KCNQ3: variants seen among roughly 807,000 people sequenced by gnomAD.
The protein encoded by KCNQ3 is potassium voltage-gated channel subfamily Q member 3, also known as potassium voltage-gated channel subfamily KQT member 3.
Under a neutral mutation model 92.5 loss-of-function variants are expected in KCNQ3, and 30 were observed. The observed-to-expected ratio is 0.32, with a 90% CI of 0.24 to 0.44. The LOEUF (loss-of-function observed/expected upper bound fraction) is 0.44, where lower values mean the gene tolerates loss of function less well. KCNQ3 is among the 20% of genes least tolerant of loss of function. The pLI, the probability that KCNQ3 is intolerant of heterozygous loss-of-function variation, is 1.00. For missense variants in KCNQ3, 913 were observed against 1,140.3 expected (o/e 0.80, Z 2.87); for synonymous variants, 450 against 468.8 (o/e 0.96, Z 0.52).
At chr8:132,197,013 A>AT (rs200485313) in intron 1 of KCNQ3, among the ~76,000 whole-genome samples, 14,107 of 138,988 alleles carry the variant, frequency 0.1, 980 homozygotes, top group African/African-American at 0.2. Context: ...TGTCTCATGG[A>AT]TTTTTTTTTT....
At chr8:132,399,792 C>T (rs1820288448) in intron 1 of KCNQ3, among the ~76,000 whole-genome samples, 2 of 152,200 alleles carry the variant, frequency 1.3e-5, no homozygotes, top group Non-Finnish European at 1.5e-5. Context: ...ACCTGTTTGG[C>T]TTCAGATAAA....
chr8:132,389,285 CG>C (rs1375106299), intron 1 of KCNQ3, among the ~76,000 whole-genome samples: 1 of 152,004 alleles, frequency 6.6e-6, no homozygotes, highest in Non-Finnish European at 1.5e-5. Flanking sequence ...GGTGAAACCC[CG>C]TCTCTACCAA....
intron 1 of KCNQ3, among the ~76,000 whole-genome samples, chr8:132,431,848 T>G (rs1011022136): frequency 3.9e-5 from 6 of 152,190 alleles, no homozygotes; most frequent in Non-Finnish European, 8.8e-5. Context: ...GCCAGCCCTG[T>G]GCTCCCCACC....
At chr8:132,412,834 C>G (rs117555927) in intron 1 of KCNQ3, among the ~76,000 whole-genome samples, 3,193 of 152,310 alleles carry the variant, frequency 0.021, 39 homozygotes, top group Non-Finnish European at 0.032. Context: ...AAAACAGGAT[C>G]TTGCTGTGGT....
At chr8:132,210,647 C>T (rs751447821) in intron 1 of KCNQ3, among the ~76,000 whole-genome samples, 7 of 152,186 alleles carry the variant, frequency 4.6e-5, no homozygotes, top group Non-Finnish European at 7.3e-5. Context: ...AGAGGTTCGA[C>T]TGGGGAAGAA....
At chr8:132,146,546 G>A (rs1220939169) in intron 9 of KCNQ3, among the ~76,000 whole-genome samples, 1 of 151,920 alleles carries the variant, frequency 6.6e-6, no homozygotes, top group African/African-American at 2.4e-5. Flanking sequence ...AAAATGTTCT[G>A]AAGATTGGTT....
At chr8:132,151,269 C>G (rs1010453028) in intron 9 of KCNQ3, among the ~76,000 whole-genome samples, 1 of 152,080 alleles carries the variant, frequency 6.6e-6, no homozygotes, top group Non-Finnish European at 1.5e-5. Flanking sequence ...CTAACTGTTA[C>G]CATTATGACA....
intron 1 of KCNQ3, among the ~76,000 whole-genome samples, chr8:132,420,237 C>T (rs1012876798): frequency 4.6e-5 from 7 of 152,146 alleles, no homozygotes; most frequent in African/African-American, 1.7e-4. Context: ...CCCCAAAGCC[C>T]CACCTCCTAA....
chr8:132,411,090 T>C (rs747704549), intron 1 of KCNQ3, among the ~76,000 whole-genome samples: 2 of 152,356 alleles, frequency 1.3e-5, no homozygotes, highest in Non-Finnish European at 1.5e-5. Flanking sequence ...TAACCAGGTC[T>C]GCATGGAGCA....
intron 1 of KCNQ3, among the ~76,000 whole-genome samples, chr8:132,381,924 G>A (rs1341484287): frequency 6.6e-6 from 1 of 152,232 alleles, no homozygotes; most frequent in East Asian, 1.9e-4. Context: ...GAACATGTGG[G>A]TAGACCCCTT....
At chr8:132,372,772 A>C (rs1247458339) in intron 1 of KCNQ3, among the ~76,000 whole-genome samples, 2 of 132,410 alleles carry the variant, frequency 1.5e-5, no homozygotes, top group Non-Finnish European at 3.1e-5. Flanking sequence ...AAAAAAAAAA[A>C]CAAAAAAAAA....
At chr8:132,195,867 A>G (rs58333423) in intron 1 of KCNQ3, among the ~76,000 whole-genome samples, 17,888 of 152,198 alleles carry the variant, frequency 0.12, 1,978 homozygotes, top group African/African-American at 0.29. Context: ...GGGTGGCTAT[A>G]GTAATATTAG....
intron 1 of KCNQ3, among the ~76,000 whole-genome samples, chr8:132,261,455 G>C (rs956060682): frequency 2.6e-5 from 4 of 152,166 alleles, no homozygotes; most frequent in Non-Finnish European, 5.9e-5. Context: ...TTTGTTCTCT[G>C]ACTGGCTCAC....
At chr8:132,287,177 G>T (rs1411881797) in intron 1 of KCNQ3, among the ~76,000 whole-genome samples, 2 of 152,310 alleles carry the variant, frequency 1.3e-5, no homozygotes, top group South Asian at 4.1e-4. Flanking sequence ...CCATGTTATT[G>T]AGATTTTATA....
intron 1 of KCNQ3, among the ~76,000 whole-genome samples, chr8:132,234,338 GTTTTTTTTTTTTTTT>G (rs756218792): frequency 4.7e-5 from 4 of 85,668 alleles, no homozygotes; most frequent in South Asian, 4.7e-4. Context: ...TCCATGAAAA[GTTTTTTTTTTTTTTT>G]TTTTTTTTTT....
intron 1 of KCNQ3, among the ~76,000 whole-genome samples, chr8:132,247,770 C>T (rs942574012): frequency 6.6e-6 from 1 of 151,258 alleles, no homozygotes; most frequent in African/African-American, 2.4e-5. Flanking sequence ...TGCACTCCAG[C>T]CTGGGCAACA....
intron 1 of KCNQ3, among the ~76,000 whole-genome samples, chr8:132,310,557 T>C (rs538729173): frequency 9.6e-4 from 146 of 152,316 alleles, no homozygotes; most frequent in African/African-American, 3.0e-3. Flanking sequence ...TGTGACTGAC[T>C]GAGATGATGC....
At chr8:132,455,992 A>G (rs1006944241) in intron 1 of KCNQ3, among the ~76,000 whole-genome samples, 7 of 151,376 alleles carry the variant, frequency 4.6e-5, no homozygotes, top group African/African-American at 1.5e-4. Flanking sequence ...TGATCCGCCC[A>G]CCTCCGCCTC....
intron 1 of KCNQ3, among the ~76,000 whole-genome samples, chr8:132,218,150 A>G (rs541186788): frequency 1.3e-5 from 2 of 152,326 alleles, no homozygotes; most frequent in African/African-American, 4.8e-5. Flanking sequence ...GAGAAAAAAA[A>G]GCTCTGCTCC....
Sources: allele counts gnomAD v4.1 joint callset (sites outside exome capture counted in the v4.1 genomes callset), GRCh38; gene constraint gnomAD v4.1.1; transcripts MANE v1.5; gene names NCBI Gene and HGNC (gene_info 2026-07-23, HGNC 2026-07-21).